HDAC1: variants seen among roughly 807,000 people sequenced by gnomAD.
The protein encoded by HDAC1 is protein deacetylase HDAC1.
In HDAC1, 18 loss-of-function variants were observed where a neutral mutation model predicts 65.5. The observed-to-expected ratio is 0.27, with a 90% CI of 0.19 to 0.41. The LOEUF (loss-of-function observed/expected upper bound fraction) is 0.41. Among genes scored for constraint, HDAC1 ranks in the 10% least tolerant of loss-of-function variants. The probability of loss-of-function intolerance (pLI) is 1.00; values close to 1 mark genes in which losing one functional copy is unlikely to be tolerated. For missense variants in HDAC1, 373 were observed against 625.2 expected (o/e 0.60, Z 4.30); for synonymous variants, 211 against 227.9 (o/e 0.93, Z 0.67).
chr1:32,308,551 A>C (rs1459232911), intron 2 of HDAC1, among the ~76,000 whole-genome samples: 1 of 151,780 alleles, frequency 6.6e-6, no homozygotes, highest in Non-Finnish European at 1.5e-5. Flanking sequence ...CGGAGTCTTG[A>C]TCTGTCACCC....
chr1:32,320,955 C>T (rs377082436), intron 3 of HDAC1, among the ~76,000 whole-genome samples: 6 of 137,684 alleles, frequency 4.4e-5, no homozygotes, highest in Admixed American at 3.6e-4. Context: ...TTTAGACACA[C>T]ACAAAAAGCA....
At chr1:32,297,041 G>T (rs1301174970) in intron 1 of HDAC1, among the ~76,000 whole-genome samples, 1 of 152,128 alleles carries the variant, frequency 6.6e-6, no homozygotes, top group Non-Finnish European at 1.5e-5. Flanking sequence ...TTTCCTGAGG[G>T]TGGGGTAGGG....
chr1:32,311,335 G>A (rs993691546), intron 2 of HDAC1, among the ~76,000 whole-genome samples: 2 of 152,102 alleles, frequency 1.3e-5, no homozygotes, highest in Non-Finnish European at 2.9e-5. Context: ...GGGCGTGGTC[G>A]CGGGTGCCTG....
Position 32,331,257 on chromosome 1 carries a change from C to T in HDAC1, c.980-217C>T, listed in dbSNP as rs1641287286. On this transcript the variant is annotated intron_variant, in intron 9 of 13. Coordinates refer to ENST00000373548, the MANE Select transcript of HDAC1 (RefSeq NM_004964.3). The surrounding 1 kb of genome is among the most constrained non-coding windows in gnomAD (Gnocchi z 4.2). ...CTAAACCAGGGACATGGGCCTTCTC[C>T]TAGCGACATATACACCACTGGTACA... Among the ~76,000 whole-genome samples, 1 of 152,152 alleles carries T rather than the reference C, an allele frequency of 6.6e-6. No individual in the cohort carries two copies. Among genetic ancestry groups the T allele is most frequent in the South Asian group, 2.1e-4 (1 of 4,830 alleles).
chr1:32,329,204 G>T lies in HDAC1; in HGVS notation c.729+44G>T, dbSNP rs751524107. 9 of 1,197,922 alleles carry T rather than the reference G, an allele frequency of 7.5e-6. No homozygotes were observed. Among genetic ancestry groups the T allele is most frequent in the Non-Finnish European group, 1.1e-5 (9 of 799,932 alleles). The allele number at this position is 1,197,922 out of a possible 1,614,324, so 74.2% of individuals were successfully genotyped here. A position where few individuals can be genotyped will look rare whatever the true frequency, so the allele number is the denominator to read the frequency against. Reference sequence around the variant, plus strand: ...CCCTTGGGCTACAAACAGGGGATTGGTTGGCGGTGGAGGGGAGCAAAGCAC... The same window carrying T: ...CCCTTGGGCTACAAACAGGGGATTGTTTGGCGGTGGAGGGGAGCAAAGCAC... On this transcript the variant is annotated intron_variant, in intron 7 of 13. Coordinates refer to ENST00000373548, the MANE Select transcript of HDAC1 (RefSeq NM_004964.3). The surrounding 1 kb of genome is among the most constrained non-coding windows in gnomAD (Gnocchi z 4.1).
rs769822615 is a variant in HDAC1, at chr1:32,330,061, T to TA, written c.730-515dup. On this transcript the variant is annotated intron_variant, in intron 7 of 13. Coordinates refer to ENST00000373548, the MANE Select transcript of HDAC1 (RefSeq NM_004964.3). This position sits in a 1 kb window ranked among gnomAD's most constrained non-coding sequence, Gnocchi z 4.2. ...AACAGTAAGAAACTGCTTAACCTAATAAGGTCAGGTAGTCATTCAGCAAAC... is the reference window on the plus strand; with the variant it reads ...AACAGTAAGAAACTGCTTAACCTAATAAAGGTCAGGTAGTCATTCAGCAAAC... 1 of 162,294 alleles carries TA rather than the reference T, an allele frequency of 6.2e-6. No homozygotes were observed. Among genetic ancestry groups the TA allele is most frequent in the South Asian group, 1.6e-4 (1 of 6,168 alleles). 10.1% of individuals were successfully genotyped at this position (162,294 alleles called of 1,614,324 possible). A position where few individuals can be genotyped will look rare whatever the true frequency, so the allele number is the denominator to read the frequency against.
intron 1 of HDAC1, among the ~76,000 whole-genome samples, chr1:32,301,224 AT>A (rs779178807): frequency 3.3e-5 from 5 of 151,832 alleles, no homozygotes; most frequent in Admixed American, 6.6e-5. Context: ...AGGCGGGCAG[AT>A]CACAAGGTCA....
intron 1 of HDAC1, among the ~76,000 whole-genome samples, chr1:32,294,121 G>A (rs1640735270): frequency 6.6e-6 from 1 of 151,962 alleles, no homozygotes; most frequent in African/African-American, 2.4e-5. Flanking sequence ...AGAAGGCATG[G>A]ATCCCAAGTT....
chr1:32,292,490 G>A, intron 1 of HDAC1: 1 of 949,162 alleles, frequency 1.1e-6, no homozygotes, highest in Non-Finnish European at 1.3e-6. Context: ...GTTTGAGTGG[G>A]ACTCCTAGAG....
intron 12 of HDAC1, 54 bp from the exon 13 acceptor site, chr1:32,332,647 A>C (rs1311693474): frequency 1.5e-6 from 2 of 1,337,074 alleles, no homozygotes; most frequent in Non-Finnish European, 2.1e-6. Context: ...TGAAGACCTC[A>C]TGGGTCTTCC....
intron 3 of HDAC1, among the ~76,000 whole-genome samples, chr1:32,321,594 A>G (rs1641147592): frequency 6.6e-6 from 1 of 152,032 alleles, no homozygotes; most frequent in Non-Finnish European, 1.5e-5. Context: ...AGTCTTCCCT[A>G]CCCTCACAGA....
chr1:32,295,922 T>A (rs1352299716), intron 1 of HDAC1, among the ~76,000 whole-genome samples: 1 of 152,092 alleles, frequency 6.6e-6, no homozygotes, highest in Non-Finnish European at 1.5e-5. Flanking sequence ...GTAAATTTAG[T>A]CATAAAGGAT....
Position 32,329,078 on chromosome 1 carries a change from C to T in HDAC1, c.647C>T (p.Ala216Val). ...PGTGDLRDIGAGKGKYYAVNY... is the reference protein window; with the variant it reads ...PGTGDLRDIGVGKGKYYAVNY... ...GGCCTTTTTAATTAGGATATCGGGG[C>T]TGGCAAAGGCAAGTATTATGCTGTT... The change falls in exon 7 of 14, where the codon GCT becomes GTT. Residue 216 changes from alanine to valine, a missense_variant. Transcript: ENST00000373548. The surrounding 1 kb of genome is among the most constrained non-coding windows in gnomAD (Gnocchi z 4.1). 3 of 1,604,266 alleles carry T rather than the reference C, an allele frequency of 1.9e-6. No individual in the cohort carries two copies. The highest frequency in any genetic ancestry group is 1.7e-6 in the Non-Finnish European group (2 of 1,171,236).
intron 3 of HDAC1, among the ~76,000 whole-genome samples, chr1:32,322,559 G>A (rs1389268969): frequency 6.6e-5 from 10 of 152,142 alleles, no homozygotes; most frequent in Non-Finnish European, 1.0e-4. Context: ...GTGAGCCACC[G>A]CGCCCGGCCA....
intron 2 of HDAC1, among the ~76,000 whole-genome samples, chr1:32,314,973 A>C (rs1302116932): frequency 1.3e-5 from 2 of 152,200 alleles, no homozygotes; most frequent in African/African-American, 4.8e-5. Context: ...CAATTAGCCT[A>C]TGGTAAAATT....
rs2124391686 is a variant in HDAC1, at chr1:32,292,181, G to A, written c.12G>A (p.Thr4=). 2.6e-6 allele frequency: 4 copies of A among 1,548,662 alleles called. No individual in the cohort carries two copies. The highest frequency in any genetic ancestry group is 3.5e-6 in the Non-Finnish European group (4 of 1,146,370). MAQ[T]QGTRRKVCYY... The stretch of plus-strand genomic sequence containing the variant: ...GGGAGGCGAGCAAGATGGCGCAGAC[G>A]CAGGGCACCCGGAGGAAAGTCTGTT... Residue 4 remains threonine (T), a synonymous_variant, in exon 1 of 14, where the codon ACG becomes ACA. Coordinates refer to ENST00000373548, the MANE Select transcript of HDAC1 (RefSeq NM_004964.3).
At chr1:32,311,531 T>A (rs941058934) in intron 2 of HDAC1, among the ~76,000 whole-genome samples, 1 of 151,474 alleles carries the variant, frequency 6.6e-6, no homozygotes, top group Non-Finnish European at 1.5e-5. Flanking sequence ...GTGCTGAGAA[T>A]AGGAAACCCG....
At chr1:32,297,615 C>CT (rs1438435008) in intron 1 of HDAC1, among the ~76,000 whole-genome samples, 1 of 151,922 alleles carries the variant, frequency 6.6e-6, no homozygotes, top group Non-Finnish European at 1.5e-5. Flanking sequence ...GAATAGACTT[C>CT]TTTTTTTGCG....
At position 32,331,169 on chromosome 1, in the gene HDAC1, T is replaced by A. The variant is rs181526645; in HGVS notation, c.979+261T>A. On this transcript the variant is annotated intron_variant, in intron 9 of 13. Transcript: ENST00000373548. This position sits in a 1 kb window ranked among gnomAD's most constrained non-coding sequence, Gnocchi z 4.2. Reference sequence around the variant, plus strand: ...TAATTTACAGCTTTGGAATTTCTACTCTGTAGAGTAACTGGAGTAGCGAGT... The same window carrying A: ...TAATTTACAGCTTTGGAATTTCTACACTGTAGAGTAACTGGAGTAGCGAGT... Among the ~76,000 whole-genome samples the A allele has an allele frequency of 2.6e-4, 39 of 152,350 alleles. No individual in the cohort carries two copies. In the East Asian group the frequency reaches 7.3e-3, roughly 29 times the overall value.
Sources: allele counts gnomAD v4.1 joint callset (sites outside exome capture counted in the v4.1 genomes callset), GRCh38; gene constraint gnomAD v4.1.1; non-coding constraint Gnocchi (gnomAD v3.1); transcripts MANE v1.5; gene names NCBI Gene and HGNC (gene_info 2026-07-23, HGNC 2026-07-21).